The following KCND2 variants were observed in gnomAD, a reference collection of about 807,000 sequenced individuals.
The protein encoded by KCND2 is A-type voltage-gated potassium channel KCND2.
KCND2 carries 16 observed loss-of-function variants against 54.4 expected under a neutral mutation model. That is an observed-to-expected ratio of 0.29 (90% confidence interval 0.20 to 0.45). The LOEUF (loss-of-function observed/expected upper bound fraction) is 0.45. Ranked by LOEUF, KCND2 falls within the 20% of genes least tolerant of loss-of-function variation. The pLI is 1.00. For missense variants in KCND2, 486 were observed against 824.2 expected (o/e 0.59, Z 5.02); for synonymous variants, 317 against 310.7 (o/e 1.02, Z -0.21).
At chr7:120,385,200 T>C (rs1417008825) in intron 1 of KCND2, among the ~76,000 whole-genome samples, 2 of 151,326 alleles carry the variant, frequency 1.3e-5, no homozygotes, top group Admixed American at 1.3e-4. Flanking sequence ...GACGGGGTTT[T>C]ATCATGTTCA....
chr7:120,741,923 A>T (rs1201673333), intron 3 of KCND2, among the ~76,000 whole-genome samples: 2 of 152,138 alleles, frequency 1.3e-5, no homozygotes, highest in Non-Finnish European at 2.9e-5. Flanking sequence ...AATGCTTAAT[A>T]ATTCAAATGC....
At chr7:120,394,789 A>G (rs1801129771) in intron 1 of KCND2, among the ~76,000 whole-genome samples, 1 of 152,008 alleles carries the variant, frequency 6.6e-6, no homozygotes. Flanking sequence ...CAGTGTCATA[A>G]TGTTTGCAAA....
At chr7:120,650,302 G>A (rs1259425439) in intron 1 of KCND2, among the ~76,000 whole-genome samples, 1 of 142,884 alleles carries the variant, frequency 7.0e-6, no homozygotes. Context: ...TTTCTTGGAG[G>A]CTTTGTTCAT....
chr7:120,549,396 C>G (rs1200771577), intron 1 of KCND2, among the ~76,000 whole-genome samples: 1 of 152,088 alleles, frequency 6.6e-6, no homozygotes, highest in Non-Finnish European at 1.5e-5. Context: ...GAGGTGAAAG[C>G]AAGAGAAAAC....
Position 120,274,952 on chromosome 7 carries a change from C to T in KCND2, c.320C>T (p.Pro107Leu). Residue 107 changes from proline (P) to leucine (L), a missense_variant, in exon 1 of 6, where the codon CCT (proline) becomes CTT (leucine). Pro to Leu is a moderately conservative substitution (Grantham distance 98). This residue lies in a region of KCND2 where 231 missense variants were observed against 386.0 expected (regional missense o/e 0.60). Coordinates refer to ENST00000331113, the MANE Select transcript of KCND2 (RefSeq NM_012281.3). Reference protein sequence around the residue: ...NFYRTGKLHYPRHECISAYDE... With the variant: ...NFYRTGKLHYLRHECISAYDE... ...TACCGCACTGGGAAGCTCCACTATCCTCGCCACGAGTGCATCTCTGCTTAC... is the reference window on the plus strand; with the variant it reads ...TACCGCACTGGGAAGCTCCACTATCTTCGCCACGAGTGCATCTCTGCTTAC... 1 of 1,614,142 alleles carries T rather than the reference C, an allele frequency of 6.2e-7. No homozygotes were observed. Among genetic ancestry groups the T allele is most frequent in the Non-Finnish European group, 8.5e-7 (1 of 1,180,050 alleles).
chr7:120,365,364 A>C (rs1800655393), intron 1 of KCND2, among the ~76,000 whole-genome samples: 1 of 152,116 alleles, frequency 6.6e-6, no homozygotes, highest in South Asian at 2.1e-4. Context: ...CAGAAAGTTA[A>C]GACCAAGGAT....
intron 1 of KCND2, among the ~76,000 whole-genome samples, chr7:120,508,309 A>C (rs943002473): frequency 2.6e-5 from 4 of 151,938 alleles, no homozygotes; most frequent in Admixed American, 2.0e-4. Flanking sequence ...ATTGTTACAT[A>C]TTTCTGTTAT....
intron 1 of KCND2, among the ~76,000 whole-genome samples, chr7:120,338,484 T>A (rs1301792651): frequency 1.3e-5 from 2 of 152,114 alleles, no homozygotes; most frequent in African/African-American, 2.4e-5. Flanking sequence ...AAGATAGATT[T>A]TTTAAAGCAT....
chr7:120,304,541 G>A (rs1488158137), intron 1 of KCND2, among the ~76,000 whole-genome samples: 1 of 152,142 alleles, frequency 6.6e-6, no homozygotes, highest in African/African-American at 2.4e-5. Context: ...CAGATAGACT[G>A]CATCAAAAAT....
At chr7:120,387,568 A>C (rs1047530068) in intron 1 of KCND2, among the ~76,000 whole-genome samples, 2 of 152,028 alleles carry the variant, frequency 1.3e-5, no homozygotes, top group African/African-American at 4.8e-5. Flanking sequence ...TATGGAAGCT[A>C]TTAAGAAAGC....
chr7:120,604,205 A>G (rs1792849377), intron 1 of KCND2, among the ~76,000 whole-genome samples: 2 of 152,090 alleles, frequency 1.3e-5, no homozygotes, highest in Admixed American at 6.6e-5. Flanking sequence ...TTTTGCTTTC[A>G]TAATTTTAAA....
Position 120,347,504 on chromosome 7 carries a change from C to A in KCND2, c.1115+71757C>A, listed in dbSNP as rs192100889. On this transcript the variant is annotated intron_variant, in intron 1 of 5. Transcript: ENST00000331113. ...CGGGTGCGGTAGCTCAAGCCTGTAA[C>A]CCCAGCACTTTGGGAGGCTGAGGCG... Among the ~76,000 whole-genome samples the A allele has an allele frequency of 4.4e-3, 676 of 152,132 alleles. 25 individuals are homozygous for A. The highest frequency in any genetic ancestry group is 0.041 in the Admixed American group (629 of 15,278).
At chr7:120,310,423 A>T (rs1377235051) in intron 1 of KCND2, among the ~76,000 whole-genome samples, 20 of 152,128 alleles carry the variant, frequency 1.3e-4, no homozygotes, top group East Asian at 1.9e-4. Flanking sequence ...CTTTAAAAGA[A>T]TTTTTTTTCT....
At chr7:120,385,501 C>T (rs1363356523) in intron 1 of KCND2, among the ~76,000 whole-genome samples, 10 of 152,054 alleles carry the variant, frequency 6.6e-5, no homozygotes, top group Admixed American at 5.9e-4. Flanking sequence ...GTAAGCAAAA[C>T]ATAGCAAATA....
rs540605027 is a variant in KCND2 at position 120,405,884 on chromosome 7, G to A, written c.1115+130137G>A. Among the ~76,000 whole-genome samples the A allele has an allele frequency of 3.3e-5, 5 of 152,140 alleles. No individual in the cohort carries two copies. The South Asian group carries it at 8.3e-4, about 25-fold the overall frequency. On this transcript the variant is annotated intron_variant, in intron 1 of 5. Coordinates refer to ENST00000331113, the MANE Select transcript of KCND2 (RefSeq NM_012281.3). ...GCTCCTGGGAAAATTCCATATGCTAGTGAAACTATAAATTGCATTGAGTGT... is the reference window on the plus strand; with the variant it reads ...GCTCCTGGGAAAATTCCATATGCTAATGAAACTATAAATTGCATTGAGTGT...
intron 1 of KCND2, among the ~76,000 whole-genome samples, chr7:120,448,615 TAA>T (rs1024855749): frequency 6.9e-6 from 1 of 145,696 alleles, no homozygotes; most frequent in African/African-American, 2.5e-5. Flanking sequence ...AGAGACACAA[TAA>T]AAAAAAAAGA....
chr7:120,283,336 C>T (rs1799292993), intron 1 of KCND2, among the ~76,000 whole-genome samples: 1 of 151,980 alleles, frequency 6.6e-6, no homozygotes, highest in South Asian at 2.1e-4. Context: ...AAAGGGGGAG[C>T]CATTAGAGAG....
intron 1 of KCND2, among the ~76,000 whole-genome samples, chr7:120,278,929 T>C (rs374928737): frequency 1.3e-5 from 2 of 151,864 alleles, no homozygotes; most frequent in African/African-American, 2.4e-5. Context: ...TCATCCCTTC[T>C]TTCTGAGCGC....
chr7:120,650,045 A>T (rs1791706535), intron 1 of KCND2, among the ~76,000 whole-genome samples: 1 of 151,826 alleles, frequency 6.6e-6, no homozygotes, highest in Non-Finnish European at 1.5e-5. Context: ...GGCTGCCCTT[A>T]ACATTTTTTC....
Sources: allele counts gnomAD v4.1 joint callset (sites outside exome capture counted in the v4.1 genomes callset), GRCh38; gene constraint gnomAD v4.1.1; regional missense constraint gnomAD v4.1.1; transcripts MANE v1.5; gene names NCBI Gene and HGNC (gene_info 2026-07-23, HGNC 2026-07-21).